The following ARAP2 variants were observed in gnomAD, a reference collection of about 807,000 sequenced individuals.
ARAP2 encodes the protein ArfGAP with RhoGAP domain, ankyrin repeat and PH domain 2.
ARAP2 carries 148 observed loss-of-function variants against 194.5 expected under a neutral mutation model. That is an observed-to-expected ratio of 0.76 (90% CI 0.67 to 0.87). The LOEUF (loss-of-function observed/expected upper bound fraction) is 0.87, where lower values mean the gene tolerates loss of function less well. ARAP2 is among the 40% of genes least tolerant of loss of function. The pLI, the probability that ARAP2 is intolerant of heterozygous loss-of-function variation, is 0.00. For missense variants in ARAP2, 2,128 were observed against 1,989.7 expected (o/e 1.07, Z -1.32); for synonymous variants, 695 against 683.5 (o/e 1.02, Z -0.26).
intron 5 of ARAP2, among the ~76,000 whole-genome samples, chr4:36,025,764 T>G (rs1717795681): frequency 6.6e-6 from 1 of 151,682 alleles, no homozygotes; most frequent in African/African-American, 2.4e-5. Context: ...TCACGTAAAA[T>G]GGTTTTTGTA....
chr4:36,050,203 C>T (rs1200283557), intron 3 of ARAP2, among the ~76,000 whole-genome samples: 2 of 152,144 alleles, frequency 1.3e-5, no homozygotes, highest in African/African-American at 4.8e-5. Context: ...TATCCAAATG[C>T]TTTGTATTCT....
chr4:36,055,665 C>T (rs1723380514), intron 2 of ARAP2, among the ~76,000 whole-genome samples: 1 of 151,990 alleles, frequency 6.6e-6, no homozygotes, highest in Admixed American at 6.6e-5. Flanking sequence ...CTGGGTTCAA[C>T]TGATTCTCCT....
intron 27 of ARAP2, among the ~76,000 whole-genome samples, chr4:36,106,985 T>C (rs1718581847): frequency 2.0e-5 from 3 of 151,966 alleles, no homozygotes; most frequent in South Asian, 4.1e-4. Flanking sequence ...AAATAAAAAT[T>C]TTCTGAGATC....
chr4:36,226,937 A>G (rs960540988), intron 2 of ARAP2, among the ~76,000 whole-genome samples: 2 of 152,238 alleles, frequency 1.3e-5, no homozygotes, highest in African/African-American at 4.8e-5. Flanking sequence ...AGCATCTGCC[A>G]TCTGAAGACT....
chr4:36,105,614 A>G (rs1718187819), intron 27 of ARAP2, among the ~76,000 whole-genome samples: 1 of 151,912 alleles, frequency 6.6e-6, no homozygotes, highest in Non-Finnish European at 1.5e-5. Flanking sequence ...TCACTGTACC[A>G]TTTCTTCTTG....
chr4:36,092,426 A>G (rs1423476748), intron 27 of ARAP2, among the ~76,000 whole-genome samples: 1 of 152,110 alleles, frequency 6.6e-6, no homozygotes, highest in African/African-American at 2.4e-5. Context: ...CCTGGCCAAC[A>G]TGGGGAAACC....
chr4:36,165,117 A>G lies in ARAP2; in HGVS notation c.1974-4T>C. 6.2e-7 allele frequency: 1 copy of G among 1,613,922 alleles called. No homozygotes were observed. Among genetic ancestry groups the G allele is most frequent in the Non-Finnish European group, 8.5e-7 (1 of 1,179,830 alleles). On this transcript the variant is annotated splice_polypyrimidine_tract_variant and splice_region_variant and intron_variant, in intron 10 of 32. Transcript: ENST00000303965. Reference sequence around the variant, plus strand: ...CTTTTCAGTCTCGGCTGTAAAGCTGAAACAATTAACGTTTCTGTGTTATCG... The same window carrying G: ...CTTTTCAGTCTCGGCTGTAAAGCTGGAACAATTAACGTTTCTGTGTTATCG...
At chr4:36,044,038 C>A (rs77183855) in intron 5 of ARAP2, among the ~76,000 whole-genome samples, 17 of 151,900 alleles carry the variant, frequency 1.1e-4, no homozygotes, top group Admixed American at 3.3e-4. Flanking sequence ...TCAGGAAATG[C>A]GCACCAGTAT....
intron 19 of ARAP2, among the ~76,000 whole-genome samples, chr4:36,134,735 TACACACAC>T (rs71199697): frequency 2.0e-5 from 3 of 148,064 alleles, no homozygotes; most frequent in African/African-American, 2.5e-5. Context: ...CACACACAAA[TACACACAC>T]ACACACACAC....
intron 28 of ARAP2, among the ~76,000 whole-genome samples, chr4:36,085,166 T>C (rs1030362625): frequency 2.9e-4 from 44 of 152,230 alleles, no homozygotes; most frequent in Middle Eastern, 3.4e-3. Context: ...AAATATTCTA[T>C]CCAAATTGCT....
At chr4:36,056,591 T>A (rs1055053356) in intron 2 of ARAP2, among the ~76,000 whole-genome samples, 1 of 152,218 alleles carries the variant, frequency 6.6e-6, no homozygotes, top group African/African-American at 2.4e-5. Flanking sequence ...ATAGGTTTTC[T>A]TGTCGTTTGC....
chr4:36,058,919 T>C (rs979674105), intron 1 of ARAP2, among the ~76,000 whole-genome samples: 1 of 152,144 alleles, frequency 6.6e-6, no homozygotes, highest in Non-Finnish European at 1.5e-5. Context: ...TGATCAGAGA[T>C]TGTCTGCCTG....
chr4:36,040,118 A>G (rs891160863), intron 5 of ARAP2, among the ~76,000 whole-genome samples: 2 of 152,200 alleles, frequency 1.3e-5, no homozygotes, highest in Non-Finnish European at 2.9e-5. Flanking sequence ...TTAGTTTAAA[A>G]TGGTCATTTT....
chr4:36,167,813 C>A (rs571980546), intron 9 of ARAP2, among the ~76,000 whole-genome samples: 45 of 152,256 alleles, frequency 3.0e-4, no homozygotes, highest in African/African-American at 9.1e-4. Flanking sequence ...ACAGACTCTG[C>A]ATTCTAAAAG....
At chr4:36,212,096 C>T (rs961078654) in intron 5 of ARAP2, among the ~76,000 whole-genome samples, 2 of 4,042 alleles carry the variant, frequency 4.9e-4, no homozygotes, top group Non-Finnish European at 7.1e-4. Context: ...ATTAACATAA[C>T]CTCTCATCTT....
chr4:36,131,996 G>A (rs1725565480), intron 20 of ARAP2, among the ~76,000 whole-genome samples: 1 of 151,536 alleles, frequency 6.6e-6, no homozygotes, highest in African/African-American at 2.4e-5. Flanking sequence ...TAATGAATCT[G>A]GACATTAATA....
chr4:36,236,998 T>C (rs541578501), intron 1 of ARAP2, among the ~76,000 whole-genome samples: 32 of 152,340 alleles, frequency 2.1e-4, no homozygotes, highest in South Asian at 6.2e-4. Context: ...TTGATGTGCG[T>C]CCATGTACAT....
intron 5 of ARAP2, among the ~76,000 whole-genome samples, chr4:36,211,164 TC>T (rs1043009977): frequency 1.3e-5 from 2 of 152,104 alleles, no homozygotes; most frequent in African/African-American, 4.8e-5. Context: ...CTTACCCCTC[TC>T]TACTATCCTC....
At chr4:36,154,909 T>C (rs1731882227) in intron 15 of ARAP2, among the ~76,000 whole-genome samples, 1 of 152,200 alleles carries the variant, frequency 6.6e-6, no homozygotes, top group Admixed American at 6.5e-5. Context: ...AATCTGATGT[T>C]CAACAGAAAC....
Sources: allele counts gnomAD v4.1 joint callset (sites outside exome capture counted in the v4.1 genomes callset), GRCh38; gene constraint gnomAD v4.1.1; transcripts MANE v1.5; gene names NCBI Gene and HGNC (gene_info 2026-07-23, HGNC 2026-07-21).